Variants in ITGA8 observed in about 807,000 individuals in gnomAD.
ITGA8 encodes the protein integrin subunit alpha 8.
ITGA8 carries 91 observed loss-of-function variants against 142.3 expected under a neutral mutation model. The observed-to-expected ratio is 0.64, with a 90% CI of 0.54 to 0.76. The LOEUF is 0.76. ITGA8 is among the 30% of genes least tolerant of loss of function. The pLI is 0.00. For missense variants in ITGA8, 1,406 were observed against 1,327.7 expected, an observed-to-expected ratio of 1.06 and a Z score of -0.92; for synonymous variants, 505 against 485.2, an observed-to-expected ratio of 1.04 and a Z score of -0.54.
At chr10:15,620,982 A>T (rs949469914) in intron 13 of ITGA8, among the ~76,000 whole-genome samples, 1 of 152,226 alleles carries the variant, frequency 6.6e-6, no homozygotes, top group African/African-American at 2.4e-5. Context: ...TAATCTAGAG[A>T]CAAAGTAGTT....
intron 8 of ITGA8, among the ~76,000 whole-genome samples, chr10:15,661,394 C>T (rs558326465): frequency 4.3e-4 from 66 of 152,290 alleles, no homozygotes; most frequent in African/African-American, 1.5e-3. Flanking sequence ...GGTACCAAAA[C>T]GGTTGCGGAT....
intron 1 of ITGA8, 52 bp from the exon 2 acceptor site, chr10:15,718,951 A>C (rs768222475): frequency 6.2e-7 from 1 of 1,612,748 alleles, no homozygotes; most frequent in South Asian, 1.1e-5. Context: ...AACCGTGCGC[A>C]TGCAATGCAG....
chr10:15,702,293 AT>A (rs139332670), intron 2 of ITGA8, among the ~76,000 whole-genome samples: 301 of 144,198 alleles, frequency 2.1e-3, no homozygotes, highest in East Asian at 3.6e-3. Flanking sequence ...ACACCTGAAG[AT>A]TTTTTTTTTT....
At position 15,644,105 on chromosome 10, in the gene ITGA8, C is replaced by T. The variant is rs747525523; in HGVS notation, c.1324G>A (p.Ala442Thr). The change falls in exon 13 of 30, where the codon GCC (alanine) becomes ACC (threonine). Residue 442 changes from alanine (A) to threonine (T), a missense_variant. Transcript: ENST00000378076. ...AATCCGGAAGGGACAGCATGTGAGG[C>T]CCACACTCCTTGCAGAACTTGGGAA... The part of the protein sequence containing the change: ...KPSQVLQGVW[A>T]SHAVPSGFGF... 2.0e-5 allele frequency: 32 copies of T among 1,614,118 alleles called. No individual in the cohort carries two copies. The highest frequency in any genetic ancestry group is 2.7e-5 in the Non-Finnish European group (32 of 1,180,006).
intron 27 of ITGA8, among the ~76,000 whole-genome samples, chr10:15,532,352 G>A (rs1197275752): frequency 1.4e-5 from 2 of 148,052 alleles, no homozygotes; most frequent in African/African-American, 5.1e-5. Context: ...CTGGGAGGCG[G>A]AGGTTGCAGT....
At chr10:15,715,191 G>C (rs1835428605) in intron 2 of ITGA8, among the ~76,000 whole-genome samples, 1 of 152,068 alleles carries the variant, frequency 6.6e-6, no homozygotes, top group Non-Finnish European at 1.5e-5. Context: ...TTCTGTGGGA[G>C]TCTGAGCAAA....
chr10:15,620,333 A>G (rs938979727), intron 13 of ITGA8, among the ~76,000 whole-genome samples: 4 of 143,794 alleles, frequency 2.8e-5, no homozygotes, highest in Admixed American at 7.0e-5. Context: ...ACACACACAC[A>G]CGTTCCAGAT....
chr10:15,694,828 C>A (rs535844244), intron 2 of ITGA8, among the ~76,000 whole-genome samples: 77 of 151,264 alleles, frequency 5.1e-4, no homozygotes, highest in African/African-American at 1.7e-3. Flanking sequence ...CAGGAATGAA[C>A]TTATGACACC....
intron 27 of ITGA8, among the ~76,000 whole-genome samples, chr10:15,534,677 G>C (rs1189444385): frequency 6.6e-6 from 1 of 150,886 alleles, no homozygotes; most frequent in Non-Finnish European, 1.5e-5. Context: ...AGGTGATAGT[G>C]ATATAAGATG....
chr10:15,688,065 T>G, intron 2 of ITGA8, 27 bp from the exon 3 acceptor site: 2 of 1,478,734 alleles, frequency 1.4e-6, no homozygotes, highest in Non-Finnish European at 1.9e-6. Flanking sequence ...GAAGAGTTAA[T>G]AATTTGTAAA....
intron 8 of ITGA8, among the ~76,000 whole-genome samples, chr10:15,671,123 A>G (rs992325223): frequency 2.6e-5 from 4 of 152,236 alleles, no homozygotes; most frequent in Non-Finnish European, 4.4e-5. Context: ...AAGACAGGAC[A>G]GAAGGGATAT....
rs774815440 is a variant in ITGA8, at chr10:15,659,009, G to A, written c.938C>T (p.Thr313Met). 43 of 1,598,804 alleles carry A rather than the reference G, an allele frequency of 2.7e-5. No individual in the cohort carries two copies. The highest frequency in any genetic ancestry group is 3.4e-5 in the Admixed American group (2 of 58,754). Residue 313 changes from threonine (T) to methionine (M), a missense_variant, in exon 10 of 30, where the codon ACG (threonine) becomes ATG (methionine). Coordinates refer to ENST00000378076, the MANE Select transcript of ITGA8 (RefSeq NM_003638.3). ...STDMTFIQNF[T>M]GEQMASYFGY... is the part of the protein sequence containing the mutation. ...TTAAAATGTCTCTACCTGTTCTCCC[G>A]TGAAATTCTGAATAAACGTCATATC...
In ITGA8 at chr10:15,613,711, T is replaced by C. The variant is rs148700186; in HGVS notation, c.1502A>G (p.Asn501Ser). The C allele has an allele frequency of 1.3e-4, 217 of 1,614,124 alleles. No homozygotes were observed. The highest frequency in any genetic ancestry group is 1.2e-3 in the African/African-American group (87 of 75,032). ...AACCTGGCAAGTTTTATTTTCAAGATTGATAATCATTGGGTGCAGCAGAAG... is the reference window on the plus strand; with the variant it reads ...AACCTGGCAAGTTTTATTTTCAAGACTGATAATCATTGGGTGCAGCAGAAG... ...AQLLLHPMII[N>S]LENKTCQVPD... is the part of the protein sequence containing the mutation. Residue 501 changes from asparagine to serine, a missense_variant, in exon 15 of 30, where the codon AAT becomes AGT. Transcript: ENST00000378076.
At chr10:15,551,561 C>A (rs1002994681) in intron 26 of ITGA8, among the ~76,000 whole-genome samples, 1 of 151,862 alleles carries the variant, frequency 6.6e-6, no homozygotes, top group Non-Finnish European at 1.5e-5. Context: ...ATAGCAGGGG[C>A]CCACTATGAG....
intron 2 of ITGA8, 117 bp downstream of exon 2, chr10:15,718,649 C>G: frequency 7.7e-7 from 1 of 1,290,614 alleles, no homozygotes; most frequent in Non-Finnish European, 1.1e-6. Context: ...GCCCACAATA[C>G]GGACATATCA....
At chr10:15,562,010 G>T (rs553427871) in intron 25 of ITGA8, among the ~76,000 whole-genome samples, 2 of 152,114 alleles carry the variant, frequency 1.3e-5, no homozygotes, top group Admixed American at 1.3e-4. Flanking sequence ...ATCAAATCTC[G>T]TGAGAACTCA....
rs528762379 is a variant in ITGA8 at position 15,672,887 on chromosome 10, C to T, written c.677-138G>A. Reference sequence around the variant, plus strand: ...TGAATTTTCCCGCCTGCCGCTCAAACTCCAAGGCAGAGTTAGTTACAGCTG... The same window carrying T: ...TGAATTTTCCCGCCTGCCGCTCAAATTCCAAGGCAGAGTTAGTTACAGCTG... On this transcript the variant is annotated intron_variant, in intron 6 of 29. Coordinates refer to ENST00000378076, the MANE Select transcript of ITGA8 (RefSeq NM_003638.3). 10 of 892,408 alleles carry T rather than the reference C, an allele frequency of 1.1e-5. No homozygotes were observed. In the African/African-American group the frequency reaches 1.2e-4, roughly 11 times the overall value. 55.3% of individuals were successfully genotyped at this position (892,408 alleles called of 1,614,324 possible). A position where few individuals can be genotyped will look rare whatever the true frequency, so the allele number is the denominator to read the frequency against.
chr10:15,548,906 T>C (rs1254911209), intron 26 of ITGA8, among the ~76,000 whole-genome samples: 1 of 152,182 alleles, frequency 6.6e-6, no homozygotes, highest in East Asian at 1.9e-4. Flanking sequence ...TCAGCAAGTC[T>C]GGAAGGGGTT....
chr10:15,562,612 G>A lies in ITGA8; in HGVS notation c.2638-4410C>T, dbSNP rs189782636. Among the ~76,000 whole-genome samples, 487 of 152,310 alleles carry A rather than the reference G, an allele frequency of 3.2e-3. 2 individuals carry two copies. Among genetic ancestry groups the A allele is most frequent in the African/African-American group, 0.011 (469 of 41,566 alleles). On this transcript the variant is annotated intron_variant, in intron 25 of 29. Transcript: ENST00000378076. Reference sequence around the variant, plus strand: ...AAAAATTTTCTTGAAGAGAACAAGTGAGACCATCATAAAAACAGGAGATTG... The same window carrying A: ...AAAAATTTTCTTGAAGAGAACAAGTAAGACCATCATAAAAACAGGAGATTG...
Sources: gnomAD v4.1 joint callset for allele counts (sites outside exome capture counted in the v4.1 genomes callset) on GRCh38, gnomAD v4.1.1 for gene constraint, MANE v1.5 for transcripts, NCBI Gene and HGNC (gene_info 2026-07-23, HGNC 2026-07-21) for gene names.